EAF2: variants seen among roughly 807,000 people sequenced by gnomAD.
EAF2 encodes ELL-associated factor 2.
In EAF2, 29 loss-of-function variants were observed where a neutral mutation model predicts 29.4. The ratio of observed to expected loss-of-function variants is 0.99; its 90% CI spans 0.73 to 1.35. EAF2 has a LOEUF of 1.35. Ranked by LOEUF, EAF2 falls within the 40% of genes most tolerant of loss-of-function variation. The pLI is 0.00. For missense variants in EAF2, 292 were observed against 312.0 expected (o/e 0.94, Z 0.48); for synonymous variants, 103 against 102.5 (o/e 1.00, Z -0.03).
intron 1 of EAF2, chr3:121,836,524 G>A (rs958994456): frequency 1.9e-6 from 1 of 538,950 alleles, no homozygotes; most frequent in Non-Finnish European, 2.4e-6. Context: ...TTACTAAAAG[G>A]GTTTTTTTAA....
intron 1 of EAF2, among the ~76,000 whole-genome samples, chr3:121,839,951 T>C (rs978522915): frequency 6.6e-6 from 1 of 151,982 alleles, no homozygotes; most frequent in Admixed American, 6.5e-5. Flanking sequence ...CCCAGCACTT[T>C]GGGAGGCTGA....
At chr3:121,844,346 A>G in intron 1 of EAF2, 107 bp from the exon 2 acceptor site, 1 of 686,798 alleles carries the variant, frequency 1.5e-6, no homozygotes, top group Non-Finnish European at 2.5e-6. Flanking sequence ...AACCATTTTA[A>G]TTACAAAGCT....
chr3:121,877,206 TGTGTGTGTGTGC>T (rs891687464), intron 5 of EAF2, among the ~76,000 whole-genome samples: 1 of 151,774 alleles, frequency 6.6e-6, no homozygotes, highest in African/African-American at 2.4e-5. Flanking sequence ...TCACTATGTA[TGTGTGTGTGTGC>T]GTGTGTGTGT....
intron 3 of EAF2, among the ~76,000 whole-genome samples, chr3:121,855,629 A>G (rs1036463425): frequency 4.6e-5 from 7 of 152,258 alleles, no homozygotes; most frequent in African/African-American, 1.7e-4. Context: ...TACCGATTTA[A>G]TTGATTAGAG....
chr3:121,855,831 A>G (rs934527211), intron 3 of EAF2, among the ~76,000 whole-genome samples: 3 of 152,216 alleles, frequency 2.0e-5, no homozygotes, highest in African/African-American at 2.4e-5. Flanking sequence ...AATATTAACT[A>G]AGAAATTAGG....
At chr3:121,839,592 T>A (rs1228524699) in intron 1 of EAF2, among the ~76,000 whole-genome samples, 1 of 152,092 alleles carries the variant, frequency 6.6e-6, no homozygotes, top group Non-Finnish European at 1.5e-5. Context: ...AGTATACCGG[T>A]GAAAAGTATG....
chr3:121,853,554 A>G (rs1318308566), intron 2 of EAF2, among the ~76,000 whole-genome samples: 1 of 152,060 alleles, frequency 6.6e-6, no homozygotes, highest in Non-Finnish European at 1.5e-5. Context: ...TTCAGCACCC[A>G]TCCTCCACAA....
At chr3:121,846,850 A>G (rs1394408685) in intron 2 of EAF2, among the ~76,000 whole-genome samples, 1 of 152,128 alleles carries the variant, frequency 6.6e-6, no homozygotes, top group Non-Finnish European at 1.5e-5. Flanking sequence ...TCATTCATTC[A>G]TATCTTGCTT....
intron 4 of EAF2, among the ~76,000 whole-genome samples, chr3:121,865,575 C>T (rs1708909167): frequency 6.6e-6 from 1 of 151,984 alleles, no homozygotes; most frequent in Non-Finnish European, 1.5e-5. Context: ...GGTGCAGTGG[C>T]TTACACCTGT....
At chr3:121,873,513 C>G (rs1709051139) in intron 5 of EAF2, among the ~76,000 whole-genome samples, 1 of 151,848 alleles carries the variant, frequency 6.6e-6, no homozygotes, top group African/African-American at 2.4e-5. Flanking sequence ...AATGACCTAA[C>G]TGGTTCACCC....
intron 5 of EAF2, among the ~76,000 whole-genome samples, chr3:121,881,505 A>G (rs1332280177): frequency 6.6e-6 from 1 of 151,960 alleles, no homozygotes; most frequent in African/African-American, 2.4e-5. Context: ...TTAAAAAATT[A>G]GTATTATTAT....
At chr3:121,877,426 G>T (rs1430405370) in intron 5 of EAF2, among the ~76,000 whole-genome samples, 2 of 151,744 alleles carry the variant, frequency 1.3e-5, no homozygotes, top group Non-Finnish European at 1.5e-5. Context: ...CATATTTAAG[G>T]TACATTTGAA....
In EAF2 at chr3:121,863,727, G is replaced by A. The variant is rs61056828; in HGVS notation, c.484+6571G>A. 6.1e-3 allele frequency among the ~76,000 whole-genome samples: 926 copies of A among 152,068 alleles called. 10 individuals are homozygous for A. Among genetic ancestry groups the A allele is most frequent in the African/African-American group, 0.021 (873 of 41,518 alleles). The stretch of plus-strand genomic sequence containing the variant: ...ACTGTCTAACAAGCCCCAGTGAGAC[G>A]AACCCAGTACCTCAGTTGGAAATGC... On this transcript the variant is annotated intron_variant, in intron 4 of 5. Transcript: ENST00000273668.
chr3:121,874,807 T>C (rs1203225457), intron 5 of EAF2, among the ~76,000 whole-genome samples: 1 of 151,778 alleles, frequency 6.6e-6, no homozygotes, highest in Non-Finnish European at 1.5e-5. Flanking sequence ...ATGGCCAGAA[T>C]CAAATATAAG....
intron 5 of EAF2, among the ~76,000 whole-genome samples, chr3:121,878,605 C>A (rs920391813): frequency 6.6e-6 from 1 of 152,140 alleles, no homozygotes; most frequent in East Asian, 1.9e-4. Flanking sequence ...TCTCTATCTC[C>A]ATGAGATAGA....
chr3:121,880,845 A>G (rs1199360661), intron 5 of EAF2, among the ~76,000 whole-genome samples: 2 of 152,110 alleles, frequency 1.3e-5, no homozygotes, highest in East Asian at 1.9e-4. Context: ...CATTTAGTAT[A>G]ATGTTAACTG....
At chr3:121,852,911 G>A (rs890372399) in intron 2 of EAF2, among the ~76,000 whole-genome samples, 2 of 152,134 alleles carry the variant, frequency 1.3e-5, no homozygotes, top group Non-Finnish European at 2.9e-5. Flanking sequence ...AATGACAAAC[G>A]TAAAATTCCT....
rs780307198 is a variant in EAF2, at chr3:121,854,770, T to C, written c.285T>C (p.Thr95=). ...KECILIINHD[T]GECRLEKLSS... is the part of the protein sequence containing the mutation. ...GCATTTTGATTATTAACCATGATAC[T>C]GGAGAATGTCGGCTAGAAAAACTCA... Residue 95 remains threonine (T), a synonymous_variant, in exon 3 of 6, where the codon ACT becomes ACC. Coordinates refer to ENST00000273668, the MANE Select transcript of EAF2 (RefSeq NM_018456.6). 8 of 1,574,600 alleles carry C rather than the reference T, an allele frequency of 5.1e-6. No homozygotes were observed. Among genetic ancestry groups the C allele is most frequent in the African/African-American group, 1.4e-5 (1 of 72,206 alleles).
At chr3:121,841,018 G>A (rs1029007105) in intron 1 of EAF2, among the ~76,000 whole-genome samples, 1 of 152,084 alleles carries the variant, frequency 6.6e-6, no homozygotes, top group Non-Finnish European at 1.5e-5. Flanking sequence ...AAAGCAGAAG[G>A]GCAGACCATA....
Sources: allele counts gnomAD v4.1 joint callset (sites outside exome capture counted in the v4.1 genomes callset), GRCh38; gene constraint gnomAD v4.1.1; transcripts MANE v1.5; gene names NCBI Gene and HGNC (gene_info 2026-07-23, HGNC 2026-07-21).